Variants in ZC3HAV1L observed in about 807,000 individuals in gnomAD.
The protein encoded by ZC3HAV1L is ZC3HAV1 like.
A neutral mutation model predicts 28.2 loss-of-function variants in ZC3HAV1L; 23 were observed. That is an observed-to-expected ratio of 0.82 (90% CI 0.59 to 1.16). The LOEUF (loss-of-function observed/expected upper bound fraction) is 1.16. Ranked by LOEUF, ZC3HAV1L falls within the 50% of genes most tolerant of loss-of-function variation. ZC3HAV1L has a pLI of 0.00. For missense variants in ZC3HAV1L, 376 were observed against 387.7 expected (o/e 0.97, Z 0.25); for synonymous variants, 180 against 163.4 (o/e 1.10, Z -0.78).
At chr7:139,023,492 C>A (rs958137158), downstream of ZC3HAV1L, among the ~76,000 whole-genome samples, 3 of 152,196 alleles carry the variant, frequency 2.0e-5, no homozygotes, top group African/African-American at 7.2e-5. Flanking sequence ...GCATCCAGTT[C>A]ACTTCATCCA....
chr7:139,025,244 T>C (rs1258766758), downstream of ZC3HAV1L, among the ~76,000 whole-genome samples: 1 of 151,576 alleles, frequency 6.6e-6, no homozygotes, highest in Non-Finnish European at 1.5e-5. Context: ...AGGTCAGGAG[T>C]TTGAGACCAG....
intron 2 of ZC3HAV1L, chr7:139,034,243 T>C (rs1485176451): frequency 1.1e-6 from 1 of 901,108 alleles, no homozygotes; most frequent in Non-Finnish European, 1.3e-6. Flanking sequence ...GAGGTGTCTA[T>C]GATAGCATCA....
chr7:139,033,286 A>AGG (rs1815591846), intron 2 of ZC3HAV1L, among the ~76,000 whole-genome samples: 1 of 151,798 alleles, frequency 6.6e-6, no homozygotes, highest in South Asian at 2.1e-4. Flanking sequence ...TTTTATTTTA[A>AGG]AAATTTTTAT....
At position 139,026,862 on chromosome 7, in the gene ZC3HAV1L, T is replaced by A. The variant is rs757686296; in HGVS notation, c.761-29A>T. 11 of 1,590,508 alleles carry A rather than the reference T, an allele frequency of 6.9e-6. No homozygotes were observed. In the Admixed American group the frequency reaches 1.2e-4, roughly 18 times the overall value. ...CAAAGAGGAAAGGGATAAGTTTTCCTACGATACCCCAAGTTTCATTTTACG... is the reference window on the plus strand; with the variant it reads ...CAAAGAGGAAAGGGATAAGTTTTCCAACGATACCCCAAGTTTCATTTTACG... On this transcript the variant is annotated intron_variant, in intron 3 of 4. Coordinates refer to ENST00000275766, the MANE Select transcript of ZC3HAV1L (RefSeq NM_080660.4).
chr7:139,021,745 T>C (rs1187057066), downstream of ZC3HAV1L, among the ~76,000 whole-genome samples: 1 of 152,078 alleles, frequency 6.6e-6, no homozygotes, highest in Non-Finnish European at 1.5e-5. Context: ...TAGAAGATGT[T>C]ATTTCTGTTA....
At chr7:139,033,752 A>C (rs1376875634) in intron 2 of ZC3HAV1L, 3 of 985,318 alleles carry the variant, frequency 3.0e-6, no homozygotes, top group Non-Finnish European at 3.6e-6. Flanking sequence ...ATAAATCAAA[A>C]AGTACTATAA....
chr7:139,025,371 C>T (rs1815325723), downstream of ZC3HAV1L, among the ~76,000 whole-genome samples: 3 of 150,594 alleles, frequency 2.0e-5, no homozygotes, highest in South Asian at 4.2e-4. Flanking sequence ...CCACTTGAAC[C>T]CAGGAGGCGG....
chr7:139,035,831 C>G lies in ZC3HAV1L; in HGVS notation c.187G>C (p.Ala63Pro). Residue 63 changes from alanine (A) to proline (P), a missense_variant, in exon 1 of 5, where the codon GCG becomes CCG. Ala to Pro is a conservative substitution (Grantham distance 27). Transcript: ENST00000275766. Reference sequence around the variant, plus strand: ...GCGCCGGCCGCCGCCTCGGCCTCCGCGTCCCCGAGGCCCTCCTGCGTCTCC... The same window carrying G: ...GCGCCGGCCGCCGCCTCGGCCTCCGGGTCCCCGAGGCCCTCCTGCGTCTCC... The part of the protein sequence containing the change: ...EVETQEGLGD[A>P]EAEAAAGAVG... The G allele has an allele frequency of 6.7e-7, 1 of 1,486,274 alleles. No individual in the cohort carries two copies. The highest frequency in any genetic ancestry group is 8.9e-7 in the Non-Finnish European group (1 of 1,127,110). The allele number at this position is 1,486,274 out of a possible 1,614,324, so 92.1% of individuals were successfully genotyped here. A position where few individuals can be genotyped will look rare whatever the true frequency, so the allele number is the denominator to read the frequency against.
At chr7:139,033,289 A>T (rs931816752) in intron 2 of ZC3HAV1L, among the ~76,000 whole-genome samples, 3 of 152,030 alleles carry the variant, frequency 2.0e-5, no homozygotes, top group Non-Finnish European at 4.4e-5. Context: ...TATTTTAAAA[A>T]TTTTTATGAC....
chr7:139,027,107 T>C (rs1815377776), intron 3 of ZC3HAV1L, among the ~76,000 whole-genome samples: 1 of 150,508 alleles, frequency 6.6e-6, no homozygotes, highest in Non-Finnish European at 1.5e-5. Flanking sequence ...GGGTAGAAGG[T>C]ACCTGCCACC....
At chr7:139,026,977 T>C in intron 3 of ZC3HAV1L, 144 bp from the exon 4 acceptor site, 1 of 910,986 alleles carries the variant, frequency 1.1e-6, no homozygotes, top group Non-Finnish European at 1.6e-6. Context: ...TTTAAAAAAT[T>C]GTATGTGTGT....
downstream of ZC3HAV1L, among the ~76,000 whole-genome samples, chr7:139,021,506 A>G (rs1471662649): frequency 1.3e-5 from 2 of 152,196 alleles, no homozygotes; most frequent in Non-Finnish European, 2.9e-5. Context: ...CATAAAATAT[A>G]AATGAATTTT....
At chr7:139,029,603 A>G (rs1040937164) in intron 2 of ZC3HAV1L, among the ~76,000 whole-genome samples, 1 of 152,218 alleles carries the variant, frequency 6.6e-6, no homozygotes, top group Non-Finnish European at 1.5e-5. Flanking sequence ...GCTAGACTCA[A>G]CGTGATCTTT....
At chr7:139,035,627 G>A in intron 1 of ZC3HAV1L, 26 bp downstream of exon 1, 2 of 1,384,574 alleles carry the variant, frequency 1.4e-6, no homozygotes, top group Non-Finnish European at 9.3e-7. Context: ...AGCGCCCACA[G>A]TCCCCGCCCG....
downstream of ZC3HAV1L, chr7:139,022,380 C>A (rs779647109): frequency 4.2e-5 from 18 of 431,702 alleles, no homozygotes; most frequent in Middle Eastern, 2.3e-3. Flanking sequence ...CTTGTCTCTA[C>A]TAAAAACCTA....
At chr7:139,034,434 T>A in intron 2 of ZC3HAV1L, 109 bp downstream of exon 2, 1 of 1,448,682 alleles carries the variant, frequency 6.9e-7, no homozygotes, top group South Asian at 1.3e-5. Context: ...TGAAACTGAA[T>A]CATGTTGCTT....
rs1370478010 is a variant in ZC3HAV1L, at chr7:139,035,331, A to T, written c.365+322T>A. On this transcript the variant is annotated intron_variant, in intron 1 of 4. Coordinates refer to ENST00000275766, the MANE Select transcript of ZC3HAV1L (RefSeq NM_080660.4). ...CGCCCCCCACCTCCCGCCAAATATC[A>T]CCAGAATAAGTGAGCTCCGAAGTCC... 18 of 984,684 alleles carry T rather than the reference A, an allele frequency of 1.8e-5. 1 individual carries two copies. The highest frequency in any genetic ancestry group is 2.0e-5 in the Non-Finnish European group (17 of 829,724). The allele number at this position is 984,684 out of a possible 1,614,324, so 61.0% of individuals were successfully genotyped here. A position where few individuals can be genotyped will look rare whatever the true frequency, so the allele number is the denominator to read the frequency against.
rs767975062 is a variant in ZC3HAV1L, at chr7:139,026,305, A to G, written c.*239T>C. Reference sequence around the variant, plus strand: ...CAAAGTACTCTAGGATTGCCACAATATAAATTGATAGAAAAACAATGGTGG... The same window carrying G: ...CAAAGTACTCTAGGATTGCCACAATGTAAATTGATAGAAAAACAATGGTGG... On this transcript the variant is annotated 3_prime_UTR_variant, in exon 5 of 5. Coordinates refer to ENST00000275766, the MANE Select transcript of ZC3HAV1L (RefSeq NM_080660.4). 1.8e-5 allele frequency: 10 copies of G among 553,670 alleles called. No individual in the cohort carries two copies. The highest frequency in any genetic ancestry group is 7.2e-5 in the Admixed American group (2 of 27,866). The allele number at this position is 553,670 out of a possible 1,614,324, so 34.3% of individuals were successfully genotyped here. A position where few individuals can be genotyped will look rare whatever the true frequency, so the allele number is the denominator to read the frequency against.
chr7:139,032,492 C>T (rs780245601), intron 2 of ZC3HAV1L, among the ~76,000 whole-genome samples: 130 of 151,420 alleles, frequency 8.6e-4, no homozygotes, highest in Admixed American at 1.4e-3. Context: ...AAAAAATTAG[C>T]TGGGCATCAT....
Sources: gnomAD v4.1 joint callset for allele counts (sites outside exome capture counted in the v4.1 genomes callset) on GRCh38, gnomAD v4.1.1 for gene constraint, MANE v1.5 for transcripts, NCBI Gene and HGNC (gene_info 2026-07-23, HGNC 2026-07-21) for gene names.